Variants in DLC1 observed in about 807,000 individuals in gnomAD.
DLC1 encodes rho GTPase-activating protein 7.
A neutral mutation model predicts 140.3 loss-of-function variants in DLC1; 54 were observed. The observed-to-expected ratio is 0.38, with a 90% CI of 0.31 to 0.48. DLC1 has a LOEUF of 0.48. Ranked by LOEUF, DLC1 falls within the 20% of genes least tolerant of loss-of-function variation. The pLI is 0.96. For missense variants in DLC1, 2,536 were observed against 1,907.0 expected (o/e 1.33, Z -6.14); for synonymous variants, 986 against 728.1 (o/e 1.35, Z -5.70).
chr8:13,384,032 T>C (rs993929317), intron 4 of DLC1, among the ~76,000 whole-genome samples: 7 of 152,236 alleles, frequency 4.6e-5, no homozygotes, highest in African/African-American at 1.4e-4. Context: ...TTCCATGGTG[T>C]GCATGTATCA....
rs147968518 is a variant in DLC1 at position 13,199,287 on chromosome 8, C to G, written c.1349-83630G>C. Among the ~76,000 whole-genome samples the G allele has an allele frequency of 9.2e-3, 1,376 of 149,334 alleles. 25 individuals are homozygous for G. Among genetic ancestry groups the G allele is most frequent in the African/African-American group, 0.032 (1,285 of 40,404 alleles). The stretch of plus-strand genomic sequence containing the variant: ...GTAACCTTGAACTCCTAGGCTCAAG[C>G]AGTCCTCCTGCTTAGCCTCTCAAAT... On this transcript the variant is annotated intron_variant, in intron 5 of 17. Coordinates refer to ENST00000276297, the MANE Select transcript of DLC1 (RefSeq NM_182643.3).
intron 4 of DLC1, among the ~76,000 whole-genome samples, chr8:13,392,498 G>C (rs988681466): frequency 2.6e-5 from 4 of 152,114 alleles, no homozygotes; most frequent in African/African-American, 7.2e-5. Flanking sequence ...TAAAATCAGA[G>C]TATTATCTTT....
intron 5 of DLC1, among the ~76,000 whole-genome samples, chr8:13,125,556 T>C (rs140420895): frequency 5.9e-5 from 9 of 152,284 alleles, no homozygotes; most frequent in African/African-American, 2.2e-4. Context: ...TCTTTACAAA[T>C]GAGGAAGCTG....
chr8:13,152,585 T>C (rs753078869), intron 5 of DLC1, among the ~76,000 whole-genome samples: 5 of 152,110 alleles, frequency 3.3e-5, no homozygotes, highest in Non-Finnish European at 7.3e-5. Context: ...GTATTTTCTT[T>C]ATGCTTAACA....
At chr8:13,265,876 C>G (rs1395959244) in intron 5 of DLC1, among the ~76,000 whole-genome samples, 1 of 152,070 alleles carries the variant, frequency 6.6e-6, no homozygotes, top group Non-Finnish European at 1.5e-5. Context: ...GGTGGTTGGT[C>G]ACAGAATGTT....
intron 5 of DLC1, among the ~76,000 whole-genome samples, chr8:13,218,853 T>TATG (rs1828346404): frequency 3.2e-5 from 1 of 31,590 alleles, no homozygotes; most frequent in Non-Finnish European, 5.6e-5. Flanking sequence ...TATAATTATA[T>TATG]AATTATATAT....
At chr8:13,322,075 T>C (rs563481635) in intron 4 of DLC1, among the ~76,000 whole-genome samples, 14 of 152,274 alleles carry the variant, frequency 9.2e-5, no homozygotes, top group African/African-American at 3.4e-4. Flanking sequence ...ATTATTTACA[T>C]TGGTGTTTTA....
At position 13,401,569 on chromosome 8, in the gene DLC1, C is replaced by G; in HGVS notation, c.1074G>C (p.Leu358=). 1 of 1,613,848 alleles carries G rather than the reference C, an allele frequency of 6.2e-7. No homozygotes were observed. Among genetic ancestry groups the G allele is most frequent in the East Asian group, 2.2e-5 (1 of 44,876 alleles). Residue 358 remains leucine (L), a synonymous_variant, in exon 3 of 18, where the codon CTG becomes CTC. Coordinates refer to ENST00000276297, the MANE Select transcript of DLC1 (RefSeq NM_182643.3). The part of the protein sequence containing the change: ...DRARLDSMVL[L]IMKLDQLDQD... Reference sequence around the variant, plus strand: ...GATCAAGCTGGTCCAGTTTCATAATCAGCAGCACCATGGAGTCCAGCCGCG... The same window carrying G: ...GATCAAGCTGGTCCAGTTTCATAATGAGCAGCACCATGGAGTCCAGCCGCG...
At chr8:13,187,162 C>T (rs1390222035) in intron 5 of DLC1, among the ~76,000 whole-genome samples, 4 of 151,982 alleles carry the variant, frequency 2.6e-5, no homozygotes, top group Non-Finnish European at 5.9e-5. Flanking sequence ...CTTTTTTTTC[C>T]ATAGCACTTA....
chr8:13,187,504 T>C (rs977539867), intron 5 of DLC1, among the ~76,000 whole-genome samples: 1 of 152,180 alleles, frequency 6.6e-6, no homozygotes, highest in African/African-American at 2.4e-5. Flanking sequence ...AAGGAAAACA[T>C]ACTCTGTGAT....
chr8:13,442,507 A>C (rs1290289187), intron 2 of DLC1, among the ~76,000 whole-genome samples: 5 of 152,230 alleles, frequency 3.3e-5, no homozygotes, highest in Non-Finnish European at 5.9e-5. Context: ...CAAGTTTACA[A>C]GAAAAAATCA....
chr8:13,369,792 T>G (rs925615539), intron 4 of DLC1, among the ~76,000 whole-genome samples: 3 of 151,754 alleles, frequency 2.0e-5, no homozygotes, highest in Non-Finnish European at 4.4e-5. Flanking sequence ...CATAAGCTGT[T>G]CTCAACACAC....
intron 5 of DLC1, among the ~76,000 whole-genome samples, chr8:13,214,960 G>A (rs976137826): frequency 2.0e-5 from 3 of 152,088 alleles, no homozygotes; most frequent in East Asian, 1.9e-4. Flanking sequence ...ATTTAACCAC[G>A]TAACCATCCA....
intron 2 of DLC1, among the ~76,000 whole-genome samples, chr8:13,497,982 T>G (rs1273932432): frequency 1.3e-5 from 2 of 152,196 alleles, no homozygotes; most frequent in African/African-American, 4.8e-5. Flanking sequence ...AAAACCAGAT[T>G]TCTTCACTAC....
At chr8:13,434,586 T>G (rs2116889288) in intron 2 of DLC1, among the ~76,000 whole-genome samples, 1 of 152,298 alleles carries the variant, frequency 6.6e-6, no homozygotes, top group Middle Eastern at 3.4e-3. Flanking sequence ...GCAAGGTGAC[T>G]TACAAGGAAA....
At chr8:13,298,495 G>C (rs1832051533) in intron 5 of DLC1, among the ~76,000 whole-genome samples, 1 of 152,180 alleles carries the variant, frequency 6.6e-6, no homozygotes, top group African/African-American at 2.4e-5. Flanking sequence ...CTGTTTTACA[G>C]AACATCTATA....
Position 13,500,114 on chromosome 8 carries a change from G to A in DLC1, c.-43C>T, listed in dbSNP as rs774406292. 3.5e-5 allele frequency: 51 copies of A among 1,476,822 alleles called. No individual in the cohort carries two copies. Among genetic ancestry groups the A allele is most frequent in the Non-Finnish European group, 4.7e-5 (51 of 1,080,620 alleles). The allele number at this position is 1,476,822 out of a possible 1,614,324, so 91.5% of individuals were successfully genotyped here. On this transcript the variant is annotated 5_prime_UTR_variant, in exon 2 of 18. Coordinates refer to ENST00000276297, the MANE Select transcript of DLC1 (RefSeq NM_182643.3). ...ACAGACAGAGAGATATATTCCATAT[G>A]AGGGTAAAGGAGATGGAACTTGATG...
chr8:13,142,127 C>G (rs908204995), intron 5 of DLC1, among the ~76,000 whole-genome samples: 1 of 152,224 alleles, frequency 6.6e-6, no homozygotes, highest in African/African-American at 2.4e-5. Context: ...GAAGAAGTTA[C>G]TTGCTTCTGC....
intron 2 of DLC1, among the ~76,000 whole-genome samples, chr8:13,465,864 C>T (rs1383243324): frequency 2.0e-5 from 3 of 152,156 alleles, no homozygotes; most frequent in Non-Finnish European, 4.4e-5. Context: ...TCCTGGTTCT[C>T]ATACCAGAAC....
Sources: gnomAD v4.1 joint callset for allele counts (sites outside exome capture counted in the v4.1 genomes callset) on GRCh38, gnomAD v4.1.1 for gene constraint, MANE v1.5 for transcripts, NCBI Gene and HGNC (gene_info 2026-07-23, HGNC 2026-07-21) for gene names.